The following ANK3 variants were observed in gnomAD, a reference collection of about 807,000 sequenced individuals.
ANK3 encodes ankyrin 3, also known as ankyrin-3.
A neutral mutation model predicts 370.9 loss-of-function variants in ANK3; 57 were observed. The ratio of observed to expected loss-of-function variants is 0.15; its 90% confidence interval spans 0.12 to 0.19. The LOEUF (loss-of-function observed/expected upper bound fraction) is 0.19, where lower values mean the gene tolerates loss of function less well. Ranked by LOEUF, ANK3 falls within the 10% of genes least tolerant of loss-of-function variation. The pLI, the probability that ANK3 is intolerant of heterozygous loss-of-function variation, is 1.00. For synonymous variants in ANK3, 1,929 were observed against 1,946.3 expected (o/e 0.99, Z 0.23); for missense variants, 4,439 against 5,302.1 (o/e 0.84, Z 5.06).
chr10:60,088,085 C>A (rs1267876052), intron 29 of ANK3, 62 bp downstream of exon 29: 9 of 1,366,656 alleles, frequency 6.6e-6, no homozygotes, highest in Non-Finnish European at 8.3e-6. Context: ...CTTTCCAGAG[C>A]AAAACATGCA....
chr10:60,485,034 C>T (rs1378087376), intron 2 of ANK3, among the ~76,000 whole-genome samples: 2 of 152,096 alleles, frequency 1.3e-5, no homozygotes, highest in Non-Finnish European at 2.9e-5. Context: ...TAAAGTACCA[C>T]TAATCTCAAA....
intron 42 of ANK3, among the ~76,000 whole-genome samples, chr10:60,052,845 A>T (rs1372911100): frequency 6.6e-6 from 1 of 152,104 alleles, no homozygotes; most frequent in Admixed American, 6.5e-5. Flanking sequence ...TTAAAAAAAA[A>T]AATAAAACTG....
At chr10:60,625,140 T>C (rs1400141812) in intron 1 of ANK3, among the ~76,000 whole-genome samples, 1 of 151,942 alleles carries the variant, frequency 6.6e-6, no homozygotes, top group African/African-American at 2.4e-5. Flanking sequence ...TGAGCCACCA[T>C]ATGAAACAGT....
intron 1 of ANK3, among the ~76,000 whole-genome samples, chr10:60,722,841 C>G (rs1233162533): frequency 6.6e-6 from 1 of 152,280 alleles, no homozygotes; most frequent in Admixed American, 6.5e-5. Context: ...ATATGATATG[C>G]CTGTCTTTGC....
At chr10:60,195,724 A>C (rs2132400513) in intron 16 of ANK3, among the ~76,000 whole-genome samples, 1 of 152,350 alleles carries the variant, frequency 6.6e-6, no homozygotes, top group East Asian at 1.9e-4. Flanking sequence ...TAGCAATAAT[A>C]AAAACACACA....
intron 7 of ANK3, among the ~76,000 whole-genome samples, chr10:60,258,575 T>C (rs188034997): frequency 3.1e-4 from 47 of 152,336 alleles, no homozygotes; most frequent in Non-Finnish European, 6.2e-4. Flanking sequence ...ATTCCTTCTA[T>C]TGTTTACTCC....
At chr10:60,474,741 C>T (rs1313827686) in intron 2 of ANK3, among the ~76,000 whole-genome samples, 2 of 152,034 alleles carry the variant, frequency 1.3e-5, no homozygotes, top group African/African-American at 4.8e-5. Flanking sequence ...ATATGCAAGT[C>T]TATTTGTTTT....
chr10:60,062,492 T>G (rs2080776818), intron 40 of ANK3: 1 of 152,202 alleles, frequency 6.6e-6, no homozygotes, highest in Non-Finnish European at 1.5e-5. Flanking sequence ...GAATTAGAAA[T>G]TATGCTGCCT....
At position 60,312,863 on chromosome 10, in the gene ANK3, C is replaced by T. The variant is rs573937405; in HGVS notation, c.115-33224G>A. ...GCTGCATCAGAGCCACAGCTATGGC[C>T]TAGAGCTGGGCATTTTCTCTGCAGT... On this transcript the variant is annotated intron_variant, in intron 1 of 43. Transcript: ENST00000280772. 3.3e-5 allele frequency among the ~76,000 whole-genome samples: 5 copies of T among 152,296 alleles called. No homozygotes were observed. In the East Asian group the frequency reaches 7.7e-4, roughly 24 times the overall value.
intron 2 of ANK3, among the ~76,000 whole-genome samples, chr10:60,429,439 A>G (rs1293243959): frequency 1.3e-5 from 2 of 152,242 alleles, no homozygotes; most frequent in Non-Finnish European, 2.9e-5. Context: ...TCTTACCCCA[A>G]ATAGAATGGA....
intron 13 of ANK3, among the ~76,000 whole-genome samples, chr10:60,198,995 G>C (rs2132411828): frequency 6.6e-6 from 1 of 152,276 alleles, no homozygotes; most frequent in East Asian, 1.9e-4. Flanking sequence ...GGCAGTGTGG[G>C]GTTGCGCAGT....
intron 1 of ANK3, among the ~76,000 whole-genome samples, chr10:60,372,393 T>G (rs774652222): frequency 6.6e-6 from 1 of 151,966 alleles, no homozygotes; most frequent in Admixed American, 6.6e-5. Context: ...TTAAGGGGTA[T>G]CACGATTCTC....
chr10:60,553,098 C>G (rs1024867193), intron 2 of ANK3, among the ~76,000 whole-genome samples: 1 of 152,134 alleles, frequency 6.6e-6, no homozygotes, highest in Non-Finnish European at 1.5e-5. Flanking sequence ...TGGACTAATA[C>G]AGTGATAATA....
intron 1 of ANK3, among the ~76,000 whole-genome samples, chr10:60,344,250 T>C (rs1371025557): frequency 6.6e-6 from 1 of 152,256 alleles, no homozygotes; most frequent in South Asian, 2.1e-4. Context: ...TATTCCACAT[T>C]AGTTAATGTT....
intron 1 of ANK3, among the ~76,000 whole-genome samples, chr10:60,308,752 CACATGACAGTT>C (rs2045739544): frequency 6.6e-6 from 1 of 152,102 alleles, no homozygotes; most frequent in African/African-American, 2.4e-5. Context: ...TAGGCAGGGG[CACATGACAGTT>C]ACCTTGGAGG....
intron 25 of ANK3, among the ~76,000 whole-genome samples, chr10:60,131,666 T>C (rs1590525608): frequency 6.6e-6 from 1 of 152,194 alleles, no homozygotes; most frequent in Non-Finnish European, 1.5e-5. Context: ...TAATAGGCAA[T>C]GGTGTGAGAA....
chr10:60,655,283 T>C (rs1406464872), intron 1 of ANK3, among the ~76,000 whole-genome samples: 1 of 151,620 alleles, frequency 6.6e-6, no homozygotes, highest in Non-Finnish European at 1.5e-5. Context: ...GAAGGCACTG[T>C]TATCACTGGA....
intron 25 of ANK3, among the ~76,000 whole-genome samples, chr10:60,133,900 C>T (rs900925348): frequency 9.8e-5 from 15 of 152,288 alleles, no homozygotes; most frequent in Admixed American, 5.2e-4. Flanking sequence ...GCCTGGGTGA[C>T]AGAGACTCTG....
intron 31 of ANK3, 83 bp downstream of exon 31, chr10:60,085,074 G>T: frequency 8.9e-7 from 1 of 1,125,856 alleles, no homozygotes; most frequent in Non-Finnish European, 1.3e-6. Context: ...ATTTTTTTTA[G>T]TATTGAACAC....
Sources: gnomAD v4.1 joint callset for allele counts (sites outside exome capture counted in the v4.1 genomes callset) on GRCh38, gnomAD v4.1.1 for gene constraint, MANE v1.5 for transcripts, NCBI Gene and HGNC (gene_info 2026-07-23, HGNC 2026-07-21) for gene names.